The following NFIA variants were observed in gnomAD, a reference collection of about 807,000 sequenced individuals.
The protein encoded by NFIA is nuclear factor 1 A-type.
Under a neutral mutation model 62.8 loss-of-function variants are expected in NFIA, and 8 were observed. The observed-to-expected ratio is 0.13, with a 90% CI of 0.07 to 0.23. The LOEUF is 0.23. Among genes scored for constraint, NFIA ranks in the 10% least tolerant of loss-of-function variants. The pLI is 1.00. For synonymous variants in NFIA, 235 were observed against 238.1 expected (o/e 0.99, Z 0.12); for missense variants, 410 against 642.1 (o/e 0.64, Z 3.91).
At chr1:61,106,366 G>GT (rs1229195501) in intron 2 of NFIA, among the ~76,000 whole-genome samples, 1 of 151,778 alleles carries the variant, frequency 6.6e-6, no homozygotes. Context: ...GATAGCTGTT[G>GT]TTTGAGTTTG....
chr1:61,388,638 A>G (rs6659793), intron 7 of NFIA, among the ~76,000 whole-genome samples: 42,529 of 152,082 alleles, frequency 0.28, 6,115 homozygotes, highest in African/African-American at 0.37. Context: ...TTAGGAACAG[A>G]GAGCAGCCTA....
rs564560136 is a variant in NFIA at position 61,355,738 on chromosome 1, A to C, written c.818+3171A>C. On this transcript the variant is annotated intron_variant, in intron 5 of 10. Coordinates refer to ENST00000403491, the MANE Select transcript of NFIA (RefSeq NM_001134673.4). ...TAGGACTGTAGGCATCTGCCACCAC[A>C]CGCGGCTGATTTAAAAAATATTTTT... is the stretch of plus-strand genomic sequence containing the variant. Among the ~76,000 whole-genome samples, 21 of 151,984 alleles carry C rather than the reference A, an allele frequency of 1.4e-4. No individual in the cohort carries two copies. In the South Asian group the frequency reaches 4.4e-3, roughly 32 times the overall value.
chr1:61,236,330 T>C (rs1655011950), intron 2 of NFIA, among the ~76,000 whole-genome samples: 1 of 152,164 alleles, frequency 6.6e-6, no homozygotes, highest in Admixed American at 6.5e-5. Context: ...TACTTGTAGT[T>C]AGGGTCCCCA....
intron 2 of NFIA, among the ~76,000 whole-genome samples, chr1:61,135,853 C>T (rs780958335): frequency 2.8e-4 from 43 of 152,180 alleles, no homozygotes; most frequent in Admixed American, 1.6e-3. Context: ...ATGTGCCATC[C>T]TTATCCTTGT....
intron 2 of NFIA, among the ~76,000 whole-genome samples, chr1:61,267,471 T>C (rs1657245080): frequency 6.6e-6 from 1 of 152,024 alleles, no homozygotes; most frequent in Non-Finnish European, 1.5e-5. Context: ...ATTGCACCAT[T>C]GCACTCCAGC....
chr1:61,320,122 T>C (rs191452719), intron 3 of NFIA, among the ~76,000 whole-genome samples: 1 of 151,896 alleles, frequency 6.6e-6, no homozygotes, highest in African/African-American at 2.4e-5. Flanking sequence ...TTTTTTTTTT[T>C]AAACAAGAAA....
Position 61,244,944 on chromosome 1 carries a change from G to T in NFIA, c.560-32576G>T, listed in dbSNP as rs183434783. Among the ~76,000 whole-genome samples the T allele has an allele frequency of 1.4e-4, 21 of 152,230 alleles. 1 individual carries two copies. The East Asian group carries it at 3.7e-3, about 27-fold the overall frequency. On this transcript the variant is annotated intron_variant, in intron 2 of 10. Transcript: ENST00000403491. ...TATGAATTGCTGGTCTGTTCCCTGA[G>T]ATATATTTGAGATTTAAACATTTTT... is the stretch of plus-strand genomic sequence containing the variant.
intron 6 of NFIA, among the ~76,000 whole-genome samples, chr1:61,375,847 C>T (rs982979548): frequency 1.3e-5 from 2 of 152,126 alleles, no homozygotes; most frequent in Admixed American, 6.6e-5. Flanking sequence ...CAGATTCCTC[C>T]TTCGTTTCAT....
At chr1:61,257,660 T>C (rs1656496059) in intron 2 of NFIA, among the ~76,000 whole-genome samples, 1 of 151,888 alleles carries the variant, frequency 6.6e-6, no homozygotes, top group Admixed American at 6.6e-5. Flanking sequence ...TAAGTGAAGC[T>C]TTTTCCCCTC....
At chr1:61,186,953 G>C (rs1651228698) in intron 2 of NFIA, among the ~76,000 whole-genome samples, 1 of 152,074 alleles carries the variant, frequency 6.6e-6, no homozygotes, top group Admixed American at 6.5e-5. Flanking sequence ...TGCTATCCCT[G>C]CTTAGTCACT....
At chr1:61,146,915 T>A (rs772454220) in intron 2 of NFIA, among the ~76,000 whole-genome samples, 5 of 152,140 alleles carry the variant, frequency 3.3e-5, no homozygotes, top group Admixed American at 6.5e-5. Context: ...TAGGGTGTGA[T>A]GAGGTTGGGT....
intron 3 of NFIA, among the ~76,000 whole-genome samples, chr1:61,278,762 G>C (rs1657963864): frequency 6.6e-6 from 1 of 151,992 alleles, no homozygotes; most frequent in Admixed American, 6.5e-5. Context: ...CTGCACTCTA[G>C]CTCTGGGCAA....
chr1:61,164,069 T>G (rs1387721249), intron 2 of NFIA, among the ~76,000 whole-genome samples: 1 of 152,230 alleles, frequency 6.6e-6, no homozygotes, highest in Non-Finnish European at 1.5e-5. Context: ...AAGAAAAATT[T>G]TAGTTTAACA....
Position 61,459,667 on chromosome 1 carries a change from C to G in NFIA, c.*4347C>G, listed in dbSNP as rs1668454743. 1 of 152,316 alleles carries G rather than the reference C, an allele frequency of 6.6e-6. No homozygotes were observed. Among genetic ancestry groups the G allele is most frequent in the African/African-American group, 2.4e-5 (1 of 41,468 alleles). The allele number at this position is 152,316 out of a possible 1,614,324, so 9.4% of individuals were successfully genotyped here. A position where few individuals can be genotyped will look rare whatever the true frequency, so the allele number is the denominator to read the frequency against. ...ACTTCCCCGAGCCACGGTGTTCAGTCAGCCCACAGGAATATGCAAGACCCA... is the reference window on the plus strand; with the variant it reads ...ACTTCCCCGAGCCACGGTGTTCAGTGAGCCCACAGGAATATGCAAGACCCA... On this transcript the variant is annotated 3_prime_UTR_variant, in exon 11 of 11. Transcript: ENST00000403491.
chr1:61,078,172 A>G (rs893764895), upstream of NFIA, among the ~76,000 whole-genome samples: 10 of 152,034 alleles, frequency 6.6e-5, no homozygotes. Flanking sequence ...AGTTCTCTGC[A>G]GCTCTGAAGG....
At position 61,406,570 on chromosome 1, in the gene NFIA, G is replaced by T; in HGVS notation, c.1263G>T (p.Gly421=). 7.9e-7 allele frequency: 1 copy of T among 1,266,530 alleles called. No homozygotes were observed. The highest frequency in any genetic ancestry group is 1.2e-5 in the South Asian group (1 of 80,766). 78.5% of individuals were successfully genotyped at this position (1,266,530 alleles called of 1,614,324 possible). A position where few individuals can be genotyped will look rare whatever the true frequency, so the allele number is the denominator to read the frequency against. ...CCCCCCCCCCCCCACAGCCCAATGGGAGCAGCCAAGGCAAGGTGCACAACC... is the reference window on the plus strand; with the variant it reads ...CCCCCCCCCCCCCACAGCCCAATGGTAGCAGCCAAGGCAAGGTGCACAACC... The part of the protein sequence containing the change: ...AGQVGFLNPN[G]SSQGKVHNPF... The change falls in exon 9 of 11, where the codon GGG becomes GGT. Residue 421 remains glycine, a synonymous_variant. Transcript: ENST00000403491.
At chr1:61,078,110 G>A (rs1646054478), upstream of NFIA, among the ~76,000 whole-genome samples, 1 of 152,096 alleles carries the variant, frequency 6.6e-6, no homozygotes, top group South Asian at 2.1e-4. Flanking sequence ...AAGGAAGCTT[G>A]GGTGTACAAT....
At chr1:61,112,703 A>G (rs567837558) in intron 2 of NFIA, among the ~76,000 whole-genome samples, 13 of 152,338 alleles carry the variant, frequency 8.5e-5, no homozygotes, top group South Asian at 8.3e-4. Context: ...TTAATAAACT[A>G]TCTTCTTTAA....
At chr1:61,148,243 T>C (rs1648148289) in intron 2 of NFIA, among the ~76,000 whole-genome samples, 2 of 152,192 alleles carry the variant, frequency 1.3e-5, no homozygotes, top group Non-Finnish European at 1.5e-5. Context: ...TTAAAAATCC[T>C]GGTCCCTGCG....
Sources: gnomAD v4.1 joint callset for allele counts (sites outside exome capture counted in the v4.1 genomes callset) on GRCh38, gnomAD v4.1.1 for gene constraint, MANE v1.5 for transcripts, NCBI Gene and HGNC (gene_info 2026-07-23, HGNC 2026-07-21) for gene names.